The following MYT1L variants were observed in gnomAD, a reference collection of about 807,000 sequenced individuals.
MYT1L encodes the protein myelin transcription factor 1 like.
Under a neutral mutation model 126.7 loss-of-function variants are expected in MYT1L, and 12 were observed. The ratio of observed to expected loss-of-function variants is 0.09; its 90% confidence interval spans 0.06 to 0.15. The LOEUF (loss-of-function observed/expected upper bound fraction) is 0.15. Ranked by LOEUF, MYT1L falls within the 10% of genes least tolerant of loss-of-function variation. The pLI, the probability that MYT1L is intolerant of heterozygous loss-of-function variation, is 1.00. For missense variants in MYT1L, 979 were observed against 1,585.2 expected, an observed-to-expected ratio of 0.62 and a Z score of 6.49; for synonymous variants, 541 against 604.2, an observed-to-expected ratio of 0.90 and a Z score of 1.53.
chr2:2,022,981 G>A (rs17039271), intron 4 of MYT1L, among the ~76,000 whole-genome samples: 9,975 of 152,146 alleles, frequency 0.066, 1,013 homozygotes, highest in African/African-American at 0.22. Flanking sequence ...CCCAGGAGAG[G>A]GTAAATTTTC....
intron 3 of MYT1L, among the ~76,000 whole-genome samples, chr2:2,074,695 C>G (rs1323163594): frequency 2.6e-5 from 4 of 152,132 alleles, no homozygotes; most frequent in Non-Finnish European, 5.9e-5. Context: ...TGAGATTAAA[C>G]AGTCCAGTCT....
At chr2:2,278,906 C>A (rs2095407241) in intron 2 of MYT1L, among the ~76,000 whole-genome samples, 1 of 152,136 alleles carries the variant, frequency 6.6e-6, no homozygotes, top group Non-Finnish European at 1.5e-5. Flanking sequence ...TTACCAAGAA[C>A]AAAAGGCCCC....
rs1360562709 is a variant in MYT1L at position 1,852,653 on chromosome 2, C to A, written c.2712-950G>T. ...CTATTTCAGTTGCATTTGCGCCCAC[C>A]ATGAATGTAAAAATTAAGAAAAAAT... is the stretch of plus-strand genomic sequence containing the variant. On this transcript the variant is annotated intron_variant, in intron 18 of 24. Transcript: ENST00000647738. This position sits in a 1 kb window ranked among gnomAD's most constrained non-coding sequence, Gnocchi z 4.0. Among the ~76,000 whole-genome samples, 1 of 152,112 alleles carries A rather than the reference C, an allele frequency of 6.6e-6. No homozygotes were observed. Among genetic ancestry groups the A allele is most frequent in the African/African-American group, 2.4e-5 (1 of 41,406 alleles).
chr2:1,909,887 A>G (rs777720905), intron 13 of MYT1L, among the ~76,000 whole-genome samples: 7 of 152,222 alleles, frequency 4.6e-5, no homozygotes, highest in Non-Finnish European at 8.8e-5. Flanking sequence ...CTATCCTGCA[A>G]AATATGACAA....
chr2:1,877,799 GA>G lies in MYT1L; in HGVS notation c.2711+8739del, dbSNP rs745948307. On this transcript the variant is annotated intron_variant, in intron 18 of 24. Coordinates refer to ENST00000647738, the MANE Select transcript of MYT1L (RefSeq NM_001303052.2). ...TCACCTGTTTGTATCCTAAATTGTA[GA>G]AAAAAAAAATGCATGATAATGACAT... is the stretch of plus-strand genomic sequence containing the variant. Among the ~76,000 whole-genome samples, 141 of 149,734 alleles carry G rather than the reference GA, an allele frequency of 9.4e-4. 1 individual carries two copies. The highest frequency in any genetic ancestry group is 6.9e-3 in the Middle Eastern group (2 of 288).
chr2:1,892,196 G>A lies in MYT1L; in HGVS notation c.2124C>T (p.Gly708=). 1.0e-5 allele frequency: 16 copies of A among 1,549,460 alleles called. No homozygotes were observed. Among genetic ancestry groups the A allele is most frequent in the Non-Finnish European group, 1.4e-5 (16 of 1,146,616 alleles). The change falls in exon 15 of 25, where the codon GGC becomes GGT. Residue 708 remains glycine, a synonymous_variant. Transcript: ENST00000647738. ...SSSSNLSCGG[G]SSASSTCSKS... ...TGCTGCACGTGCTGCTGGCGCTGCT[G>A]CCCCCGCCGCAGCTCAGGTTGCTGC...
rs907476280 is a variant in MYT1L at position 1,910,429 on chromosome 2, T to C, written c.1710-82A>G. On this transcript the variant is annotated intron_variant, in intron 12 of 24. Transcript: ENST00000647738. This position sits in a 1 kb window ranked among gnomAD's most constrained non-coding sequence, Gnocchi z 4.8. ...TAATCCTCCCTTAGCACCAAGACCC[T>C]GATGCAGGTGGAGCTGGTGAGGGAG... The C allele has an allele frequency of 2.9e-5, 37 of 1,284,782 alleles. No homozygotes were observed. The African/African-American group carries it at 4.8e-4, about 17-fold the overall frequency. The allele number at this position is 1,284,782 out of a possible 1,614,324, so 79.6% of individuals were successfully genotyped here.
At position 2,004,487 on chromosome 2, in the gene MYT1L, T is replaced by C. The variant is rs529537839; in HGVS notation, c.-157-7140A>G. Reference sequence around the variant, plus strand: ...AATATGTTCTTTCCTGCTTGCCTTCTTTCCTGCAGGCATTCTTTCCTGCAG... The same window carrying C: ...AATATGTTCTTTCCTGCTTGCCTTCCTTCCTGCAGGCATTCTTTCCTGCAG... On this transcript the variant is annotated intron_variant, in intron 4 of 24. Transcript: ENST00000647738. Among the ~76,000 whole-genome samples, 16 of 149,934 alleles carry C rather than the reference T, an allele frequency of 1.1e-4. 1 individual carries two copies. Among genetic ancestry groups the C allele is most frequent in the African/African-American group, 3.5e-4 (14 of 40,354 alleles).
At chr2:2,159,728 C>G (rs537855984) in intron 3 of MYT1L, among the ~76,000 whole-genome samples, 5 of 152,018 alleles carry the variant, frequency 3.3e-5, no homozygotes, top group Non-Finnish European at 1.5e-5. Context: ...TTAAAGCCCT[C>G]GCAGCCTTCG....
intron 9 of MYT1L, among the ~76,000 whole-genome samples, chr2:1,930,263 G>T (rs116708555): frequency 2.0e-5 from 3 of 152,178 alleles, no homozygotes; most frequent in Non-Finnish European, 4.4e-5. Flanking sequence ...ACTTCTGGGC[G>T]CCCCGATTCT....
At chr2:2,201,420 C>T (rs537623197) in intron 2 of MYT1L, among the ~76,000 whole-genome samples, 3 of 152,192 alleles carry the variant, frequency 2.0e-5, no homozygotes, top group Admixed American at 6.5e-5. Context: ...TAAGTGTTGG[C>T]CGGGTGCGGT....
chr2:2,175,107 G>A (rs1223956324), intron 2 of MYT1L, among the ~76,000 whole-genome samples: 2 of 151,972 alleles, frequency 1.3e-5, no homozygotes, highest in African/African-American at 2.4e-5. Flanking sequence ...GTGGTTTCGG[G>A]AATTATCATG....
intron 2 of MYT1L, among the ~76,000 whole-genome samples, chr2:2,272,800 G>A (rs974906057): frequency 6.6e-6 from 1 of 152,152 alleles, no homozygotes; most frequent in African/African-American, 2.4e-5. Flanking sequence ...TGGCTGCTCG[G>A]AGGAACTCTT....
chr2:1,805,362 C>T (rs115062432), intron 22 of MYT1L, among the ~76,000 whole-genome samples: 2 of 152,198 alleles, frequency 1.3e-5, no homozygotes, highest in Non-Finnish European at 2.9e-5. Flanking sequence ...CTGTCCCACA[C>T]AGTGTCTGGG....
At chr2:2,288,191 A>C (rs2095550673) in intron 1 of MYT1L, among the ~76,000 whole-genome samples, 1 of 152,232 alleles carries the variant, frequency 6.6e-6, no homozygotes, top group South Asian at 2.1e-4. Context: ...GATACAGGAC[A>C]ACATCAGTTT....
At chr2:2,311,847 T>G (rs571866123) in intron 1 of MYT1L, among the ~76,000 whole-genome samples, 23 of 152,250 alleles carry the variant, frequency 1.5e-4, no homozygotes, top group Non-Finnish European at 3.2e-4. Context: ...AATGAGGTAG[T>G]GTCACTGGCT....
chr2:2,328,274 G>T (rs1403115607), intron 1 of MYT1L, among the ~76,000 whole-genome samples: 1 of 151,770 alleles, frequency 6.6e-6, no homozygotes. Flanking sequence ...GAAATAATTG[G>T]GTATATTCAA....
At chr2:2,221,764 A>G (rs1017229018) in intron 2 of MYT1L, among the ~76,000 whole-genome samples, 5 of 152,234 alleles carry the variant, frequency 3.3e-5, no homozygotes, top group African/African-American at 7.2e-5. Context: ...CAACAAACCA[A>G]CCTAAAAGTA....
intron 1 of MYT1L, among the ~76,000 whole-genome samples, chr2:2,290,989 A>G (rs1453998751): frequency 2.6e-5 from 4 of 152,150 alleles, no homozygotes; most frequent in African/African-American, 9.7e-5. Context: ...TAAAACATTG[A>G]CAACACCAGC....
Sources: allele counts gnomAD v4.1 joint callset (sites outside exome capture counted in the v4.1 genomes callset), GRCh38; gene constraint gnomAD v4.1.1; non-coding constraint Gnocchi (gnomAD v3.1); transcripts MANE v1.5; gene names NCBI Gene and HGNC (gene_info 2026-07-23, HGNC 2026-07-21).